The following TIAM2 variants were observed in gnomAD, a reference collection of about 807,000 sequenced individuals.
The protein encoded by TIAM2 is TIAM Rac1 associated GEF 2, also known as rho guanine nucleotide exchange factor TIAM2.
A neutral mutation model predicts 152.9 loss-of-function variants in TIAM2; 80 were observed. That is an observed-to-expected ratio of 0.52 (90% CI 0.44 to 0.63). The LOEUF (loss-of-function observed/expected upper bound fraction) is 0.63, where lower values mean the gene tolerates loss of function less well. TIAM2 is among the 30% of genes least tolerant of loss of function. The probability of loss-of-function intolerance (pLI) is 0.00; values close to 1 mark genes in which losing one functional copy is unlikely to be tolerated. For missense variants in TIAM2, 1,965 were observed against 2,120.1 expected (o/e 0.93, Z 1.44); for synonymous variants, 804 against 838.0 (o/e 0.96, Z 0.70).
At chr6:155,006,844 A>C (rs1289084521) in intron 1 of TIAM2, among the ~76,000 whole-genome samples, 1 of 151,874 alleles carries the variant, frequency 6.6e-6, no homozygotes. Flanking sequence ...GCCCACCACC[A>C]CACCCAGCTA....
chr6:155,096,196 A>C lies in TIAM2; in HGVS notation c.-118+5817A>C, dbSNP rs148755867. On this transcript the variant is annotated intron_variant, in intron 2 of 26. Coordinates refer to ENST00000682666, the MANE Select transcript of TIAM2 (RefSeq NM_012454.4). ...GACCTACAGAAAAAGGTCACTTTAA[A>C]GAAAAACTTTTTAAAAATGATTTTT... Among the ~76,000 whole-genome samples the C allele has an allele frequency of 3.0e-3, 457 of 152,318 alleles. 3 individuals are homozygous for C. The highest frequency in any genetic ancestry group is 0.01 in the African/African-American group (429 of 41,580).
intron 15 of TIAM2, among the ~76,000 whole-genome samples, chr6:155,229,924 C>T (rs1782390815): frequency 6.6e-6 from 1 of 152,028 alleles, no homozygotes; most frequent in Non-Finnish European, 1.5e-5. Flanking sequence ...GAGACTTATT[C>T]ACTATCACGA....
At chr6:155,195,003 T>C (rs1781304228) in intron 14 of TIAM2, among the ~76,000 whole-genome samples, 1 of 152,230 alleles carries the variant, frequency 6.6e-6, no homozygotes, top group Admixed American at 6.5e-5. Context: ...TCCACCATGA[T>C]TGTAAGTTTC....
intron 22 of TIAM2, 130 bp from the exon 23 acceptor site, chr6:155,251,815 T>C (rs979663762): frequency 2.3e-5 from 16 of 702,064 alleles, no homozygotes; most frequent in Admixed American, 1.7e-4. Context: ...TATTCACTCA[T>C]GTTGGCAGAG....
At chr6:155,123,489 C>T (rs1299450256) in intron 2 of TIAM2, among the ~76,000 whole-genome samples, 2 of 152,154 alleles carry the variant, frequency 1.3e-5, no homozygotes, top group Non-Finnish European at 2.9e-5. Context: ...CTTGAGTGCA[C>T]AGCATCCAGT....
chr6:155,224,463 A>G (rs1480444274), intron 15 of TIAM2, among the ~76,000 whole-genome samples: 1 of 152,200 alleles, frequency 6.6e-6, no homozygotes, highest in East Asian at 1.9e-4. Context: ...ACTAGCTTCT[A>G]ACTGCTGAAG....
At chr6:155,202,272 G>A (rs1171984435) in intron 14 of TIAM2, among the ~76,000 whole-genome samples, 1 of 151,836 alleles carries the variant, frequency 6.6e-6, no homozygotes, top group Non-Finnish European at 1.5e-5. Context: ...AGAAATATTT[G>A]CCTGGATGGC....
At position 155,164,605 on chromosome 6, in the gene TIAM2, G is replaced by A; in HGVS notation, c.2214+5G>A. The A allele has an allele frequency of 6.2e-7, 1 of 1,603,608 alleles. No homozygotes were observed. Among genetic ancestry groups the A allele is most frequent in the Non-Finnish European group, 8.5e-7 (1 of 1,172,122 alleles). ...GTTTCCTCTTTCCATGCTCTGGTAA[G>A]TTCCTGAGGAAGGCTGTTTCTGCAG... On this transcript the variant is annotated splice_donor_5th_base_variant and intron_variant, in intron 8 of 26. Coordinates refer to ENST00000682666, the MANE Select transcript of TIAM2 (RefSeq NM_012454.4).
intron 13 of TIAM2, among the ~76,000 whole-genome samples, chr6:155,182,637 T>C (rs138151087): frequency 6.6e-6 from 1 of 152,132 alleles, no homozygotes; most frequent in East Asian, 1.9e-4. Context: ...AAAATGCATA[T>C]GCCTATATAT....
chr6:155,029,505 A>AT lies in TIAM2; in HGVS notation c.-209+34013_-209+34014insT, dbSNP rs1303279516. Among the ~76,000 whole-genome samples, 40 of 28,366 alleles carry AT rather than the reference A, an allele frequency of 1.4e-3. 10 individuals carry two copies. The highest frequency in any genetic ancestry group is 3.7e-3 in the African/African-American group (27 of 7,256). 18.6% of individuals were successfully genotyped at this position (28,366 alleles called of 152,430 possible). A position where few individuals can be genotyped will look rare whatever the true frequency, so the allele number is the denominator to read the frequency against. On this transcript the variant is annotated intron_variant, in intron 1 of 26. Coordinates refer to ENST00000682666, the MANE Select transcript of TIAM2 (RefSeq NM_012454.4). The stretch of plus-strand genomic sequence containing the variant: ...ATATACTATAGTATATATTATATAT[A>AT]ATATATACTATATATTATAGTATAG...
At chr6:155,040,659 C>T (rs900391615) in intron 1 of TIAM2, among the ~76,000 whole-genome samples, 1 of 152,050 alleles carries the variant, frequency 6.6e-6, no homozygotes, top group Non-Finnish European at 1.5e-5. Context: ...GCTGGGACTA[C>T]AGGTATGCGC....
Position 155,202,765 on chromosome 6 carries a change from C to T in TIAM2, c.3065-8439C>T, listed in dbSNP as rs1189158134. On this transcript the variant is annotated intron_variant, in intron 14 of 26. Transcript: ENST00000682666. ...TAAAAGGAGAGATTCTGGCTGGGTG[C>T]CATAGCTCACGCCTGTAATCCCAGC... is the stretch of plus-strand genomic sequence containing the variant. 1.3e-5 allele frequency among the ~76,000 whole-genome samples: 2 copies of T among 151,338 alleles called. 1 individual carries two copies. Among genetic ancestry groups the T allele is most frequent in the Non-Finnish European group, 2.9e-5 (2 of 67,880 alleles).
intron 7 of TIAM2, among the ~76,000 whole-genome samples, chr6:155,157,094 T>A (rs9480075): frequency 0.24 from 36,099 of 152,188 alleles, 5,233 homozygotes; most frequent in Admixed American, 0.37. Context: ...TCTGTTTTTT[T>A]ATCTCTGAAC....
intron 1 of TIAM2, among the ~76,000 whole-genome samples, chr6:155,056,602 T>C (rs966433115): frequency 6.7e-6 from 1 of 148,584 alleles, no homozygotes; most frequent in Non-Finnish European, 1.5e-5. Flanking sequence ...ATGATACCAT[T>C]CATTTATCTC....
At chr6:155,083,005 G>GGA (rs1278790369) in intron 1 of TIAM2, among the ~76,000 whole-genome samples, 1 of 152,048 alleles carries the variant, frequency 6.6e-6, no homozygotes, top group African/African-American at 2.4e-5. Context: ...CTCTTTGCCA[G>GGA]GACTGATGAT....
chr6:155,215,525 G>T (rs1382864925), intron 15 of TIAM2, among the ~76,000 whole-genome samples: 1 of 152,170 alleles, frequency 6.6e-6, no homozygotes, highest in East Asian at 1.9e-4. Flanking sequence ...TATAATGATA[G>T]ATTTCAGTGC....
chr6:155,243,434 CACTT>C (rs1206201346), intron 16 of TIAM2, among the ~76,000 whole-genome samples: 3 of 152,146 alleles, frequency 2.0e-5, no homozygotes, highest in Non-Finnish European at 4.4e-5. Flanking sequence ...GTCACCAAGA[CACTT>C]ACCTAAGCAG....
intron 1 of TIAM2, among the ~76,000 whole-genome samples, chr6:155,011,528 T>C (rs1778489185): frequency 6.6e-6 from 1 of 152,128 alleles, no homozygotes; most frequent in African/African-American, 2.4e-5. Context: ...CTTGTCTCAA[T>C]GCACACTTCC....
chr6:155,156,740 C>G lies in TIAM2; in HGVS notation c.2029-7675C>G, dbSNP rs1328079793. Among the ~76,000 whole-genome samples, 1 of 152,198 alleles carries G rather than the reference C, an allele frequency of 6.6e-6. No individual in the cohort carries two copies. The highest frequency in any genetic ancestry group is 1.9e-4 in the East Asian group (1 of 5,196). ...CCAGATAAAGTCCCTGATAACCTCT[C>G]CCCACCTTGACCTTTATCTGCAACT... On this transcript the variant is annotated intron_variant, in intron 7 of 26. Coordinates refer to ENST00000682666, the MANE Select transcript of TIAM2 (RefSeq NM_012454.4). This position sits in a 1 kb window ranked among gnomAD's most constrained non-coding sequence, Gnocchi z 4.4.
Sources: allele counts gnomAD v4.1 joint callset (sites outside exome capture counted in the v4.1 genomes callset), GRCh38; gene constraint gnomAD v4.1.1; non-coding constraint Gnocchi (gnomAD v3.1); transcripts MANE v1.5; gene names NCBI Gene and HGNC (gene_info 2026-07-23, HGNC 2026-07-21).